SLC24A4: variants seen among roughly 807,000 people sequenced by gnomAD.
SLC24A4 encodes the protein sodium/potassium/calcium exchanger 4.
SLC24A4 carries 53 observed loss-of-function variants against 79.0 expected under a neutral mutation model. The observed-to-expected ratio is 0.67, with a 90% CI of 0.54 to 0.84. The LOEUF is 0.84. SLC24A4 is among the 40% of genes least tolerant of loss of function. SLC24A4 has a pLI of 0.00. For synonymous variants in SLC24A4, 323 were observed against 323.8 expected, an observed-to-expected ratio of 1.00 and a Z score of 0.03; for missense variants, 731 against 822.0, an observed-to-expected ratio of 0.89 and a Z score of 1.35.
At chr14:92,366,417 C>T (rs997974639) in intron 2 of SLC24A4, among the ~76,000 whole-genome samples, 2 of 152,184 alleles carry the variant, frequency 1.3e-5, no homozygotes, top group African/African-American at 4.8e-5. Context: ...GACAAGGTCA[C>T]GGTAGCCTCG....
rs115042339 is a variant in SLC24A4, at chr14:92,434,295, G to C, written c.318+307G>C. Among the ~76,000 whole-genome samples, 310 of 152,192 alleles carry C rather than the reference G, an allele frequency of 2.0e-3. 3 individuals are homozygous for C. Among genetic ancestry groups the C allele is most frequent in the African/African-American group, 7.3e-3 (303 of 41,510 alleles). The stretch of plus-strand genomic sequence containing the variant: ...ACAGAGTGTGAATATGAGTGAATAT[G>C]GGTCAAGGGCATCAGTGTTGCGTGG... On this transcript the variant is annotated intron_variant, in intron 3 of 16. Coordinates refer to ENST00000532405, the MANE Select transcript of SLC24A4 (RefSeq NM_153646.4).
rs1895389170 is a variant in SLC24A4, at chr14:92,486,796, C to T, written c.1537+16C>T. The T allele has an allele frequency of 2.5e-6, 4 of 1,589,868 alleles. No homozygotes were observed. In the South Asian group the frequency reaches 3.3e-5, roughly 13 times the overall value. ...GCGAGACAAGGTATGGATTATGCCC[C>T]AGCCCTCATAGTCATGCAGTGCAGG... is the stretch of plus-strand genomic sequence containing the variant. On this transcript the variant is annotated intron_variant, in intron 14 of 16. Coordinates refer to ENST00000532405, the MANE Select transcript of SLC24A4 (RefSeq NM_153646.4).
intron 2 of SLC24A4, among the ~76,000 whole-genome samples, chr14:92,397,947 A>G (rs1308890648): frequency 6.6e-6 from 1 of 152,148 alleles, no homozygotes; most frequent in African/African-American, 2.4e-5. Flanking sequence ...GGTCCGCAGG[A>G]GCCTAGCCTG....
chr14:92,435,809 A>G (rs999982622), intron 3 of SLC24A4, among the ~76,000 whole-genome samples: 1 of 152,242 alleles, frequency 6.6e-6, no homozygotes, highest in South Asian at 2.1e-4. Context: ...TATTATTTCT[A>G]TAACAGAGTT....
intron 2 of SLC24A4, among the ~76,000 whole-genome samples, chr14:92,360,913 A>T (rs906902403): frequency 6.6e-6 from 1 of 152,262 alleles, no homozygotes; most frequent in Non-Finnish European, 1.5e-5. Flanking sequence ...CACAGCGTTT[A>T]TCCTTGCATT....
chr14:92,350,447 A>G (rs552938039), intron 2 of SLC24A4, among the ~76,000 whole-genome samples: 67 of 152,310 alleles, frequency 4.4e-4, no homozygotes, highest in Middle Eastern at 6.8e-3. Flanking sequence ...GTCAAGATCA[A>G]GCAAACAGGA....
chr14:92,361,627 C>G (rs1245709656), intron 2 of SLC24A4, among the ~76,000 whole-genome samples: 1 of 152,134 alleles, frequency 6.6e-6, no homozygotes, highest in South Asian at 2.1e-4. Flanking sequence ...TCCTTGCCCT[C>G]GTGGTGTTAC....
chr14:92,427,899 C>T (rs146696535), intron 2 of SLC24A4, among the ~76,000 whole-genome samples: 85 of 152,220 alleles, frequency 5.6e-4, no homozygotes, highest in Middle Eastern at 3.4e-3. Flanking sequence ...GGCTTAGCGC[C>T]CTTATAAAAG....
At chr14:92,493,015 C>CAG in intron 16 of SLC24A4, 1 of 280,198 alleles carries the variant, frequency 3.6e-6, no homozygotes, top group South Asian at 2.6e-5. Context: ...CACACACACA[C>CAG]ACAGAGAAAG....
intron 2 of SLC24A4, among the ~76,000 whole-genome samples, chr14:92,348,654 A>AT (rs929241621): frequency 1.9e-4 from 29 of 151,104 alleles, no homozygotes; most frequent in Admixed American, 1.2e-3. Context: ...TTCTGGGATA[A>AT]TTTTTTTTTT....
At chr14:92,431,474 GGA>G in intron 2 of SLC24A4, among the ~76,000 whole-genome samples, 1 of 152,306 alleles carries the variant, frequency 6.6e-6, no homozygotes, top group South Asian at 2.1e-4. Flanking sequence ...GACAAGGGTG[GGA>G]GGCCACAGGG....
chr14:92,448,380 A>ACACACACACACACACACAC (rs60919801), intron 9 of SLC24A4, among the ~76,000 whole-genome samples: 179 of 150,150 alleles, frequency 1.2e-3, no homozygotes, highest in East Asian at 2.7e-3. Flanking sequence ...ACACACACAC[A>ACACACACACACACACACAC]AATCCCTACT....
Position 92,343,399 on chromosome 14 carries a change from C to G in SLC24A4, c.241+17421C>G, listed in dbSNP as rs549683444. ...GCAGTTTGCAGACGTACCAGAGATT[C>G]CCCATCACCCTCCACATGACTCAGT... is the stretch of plus-strand genomic sequence containing the variant. On this transcript the variant is annotated intron_variant, in intron 2 of 16. Transcript: ENST00000532405. Among the ~76,000 whole-genome samples the G allele has an allele frequency of 4.0e-4, 61 of 152,234 alleles. 1 individual carries two copies. In the South Asian group the frequency reaches 9.5e-3, roughly 24 times the overall value.
intron 12 of SLC24A4, chr14:92,462,358 A>G (rs1399944354): frequency 1.3e-5 from 2 of 152,174 alleles, no homozygotes; most frequent in Non-Finnish European, 2.9e-5. Flanking sequence ...CGCACTAAGT[A>G]CTTACTCTGG....
At chr14:92,391,023 A>G (rs552094261) in intron 2 of SLC24A4, among the ~76,000 whole-genome samples, 1 of 152,208 alleles carries the variant, frequency 6.6e-6, no homozygotes, top group Non-Finnish European at 1.5e-5. Flanking sequence ...GATGGAGAGA[A>G]AGAGGTGGAA....
chr14:92,416,486 T>G (rs2141808164), intron 2 of SLC24A4, among the ~76,000 whole-genome samples: 1 of 152,318 alleles, frequency 6.6e-6, no homozygotes, highest in East Asian at 1.9e-4. Flanking sequence ...CTTTCCAGAC[T>G]TTTAATCCAG....
intron 2 of SLC24A4, among the ~76,000 whole-genome samples, chr14:92,349,542 C>T (rs558962713): frequency 2.2e-4 from 34 of 152,268 alleles, no homozygotes; most frequent in African/African-American, 7.9e-4. Flanking sequence ...ATGAAGTTGT[C>T]AGAAATAACA....
rs957074590 is a variant in SLC24A4 at position 92,398,236 on chromosome 14, G to A, written c.242-35676G>A. On this transcript the variant is annotated intron_variant, in intron 2 of 16. Coordinates refer to ENST00000532405, the MANE Select transcript of SLC24A4 (RefSeq NM_153646.4). This position sits in a 1 kb window ranked among gnomAD's most constrained non-coding sequence, Gnocchi z 4.1. ...TAAATTGGTAGTCAGAAGCCATTTAGCAACAGGACAGTTGAGTGCTAGACT... is the reference window on the plus strand; with the variant it reads ...TAAATTGGTAGTCAGAAGCCATTTAACAACAGGACAGTTGAGTGCTAGACT... Among the ~76,000 whole-genome samples the A allele has an allele frequency of 4.6e-5, 7 of 152,208 alleles. No homozygotes were observed. In the South Asian group the frequency reaches 1.4e-3, roughly 31 times the overall value.
Position 92,493,895 on chromosome 14 carries a change from C to T in SLC24A4, c.*267C>T, listed in dbSNP as rs765378597. The T allele has an allele frequency of 1.3e-4, 61 of 471,588 alleles. No individual in the cohort carries two copies. The highest frequency in any genetic ancestry group is 1.8e-4 in the Non-Finnish European group (47 of 262,448). The allele number at this position is 471,588 out of a possible 1,614,324, so 29.2% of individuals were successfully genotyped here. The stretch of plus-strand genomic sequence containing the variant: ...TCAAAGACCCCTGAGCTGCCAACCA[C>T]GGAGATGTGCCAAGCATCTCATCTC... On this transcript the variant is annotated 3_prime_UTR_variant, in exon 17 of 17. Coordinates refer to ENST00000532405, the MANE Select transcript of SLC24A4 (RefSeq NM_153646.4).
Sources: allele counts gnomAD v4.1 joint callset (sites outside exome capture counted in the v4.1 genomes callset), GRCh38; gene constraint gnomAD v4.1.1; non-coding constraint Gnocchi (gnomAD v3.1); transcripts MANE v1.5; gene names NCBI Gene and HGNC (gene_info 2026-07-23, HGNC 2026-07-21).